CHD1: variants seen among roughly 807,000 people sequenced by gnomAD.
The protein encoded by CHD1 is chromodomain helicase DNA binding protein 1, also known as ATP-dependent chromatin remodeler CHD1.
CHD1 carries 36 observed loss-of-function variants against 224.2 expected under a neutral mutation model. The ratio of observed to expected loss-of-function variants is 0.16; its 90% CI spans 0.12 to 0.21. CHD1 has a LOEUF of 0.21. CHD1 is among the 10% of genes least tolerant of loss of function. CHD1 has a pLI of 1.00. For missense variants in CHD1, 1,378 were observed against 1,994.8 expected (o/e 0.69, Z 5.89); for synonymous variants, 668 against 658.3 (o/e 1.01, Z -0.23).
intron 2 of CHD1, among the ~76,000 whole-genome samples, chr5:98,926,112 T>C (rs923129352): frequency 2.0e-5 from 3 of 152,140 alleles, no homozygotes; most frequent in Non-Finnish European, 4.4e-5. Flanking sequence ...ACTTTCTATA[T>C]TTAAGATCTA....
chr5:98,861,692 T>C (rs575348298), intron 32 of CHD1, among the ~76,000 whole-genome samples: 2 of 151,526 alleles, frequency 1.3e-5, no homozygotes, highest in East Asian at 1.9e-4. Context: ...TTTGTATTTT[T>C]AGTAGACCAC....
intron 27 of CHD1, 86 bp downstream of exon 27, chr5:98,872,331 G>A (rs1353485218): frequency 4.2e-6 from 6 of 1,434,256 alleles, no homozygotes; most frequent in African/African-American, 1.5e-5. Flanking sequence ...TTCAAAACTA[G>A]CCAATAACAC....
Position 98,868,529 on chromosome 5 carries a change from T to A in CHD1, c.4214A>T (p.Glu1405Val). 1 of 1,612,200 alleles carries A rather than the reference T, an allele frequency of 6.2e-7. No homozygotes were observed. Among genetic ancestry groups the A allele is most frequent in the African/African-American group, 1.3e-5 (1 of 74,872 alleles). Residue 1405 changes from glutamate (E) to valine (V), a missense_variant, in exon 31 of 36, where the codon GAA becomes GTA. Around this residue, in one of 16 missense-constraint regions of CHD1, gnomAD observed 23 missense variants for 65.8 expected, o/e 0.35. Transcript: ENST00000614616. ...ASGEPVPISE[E>V]SEELDQKTFS... Reference sequence around the variant, plus strand: ...TGTCTTCTGATCCAGCTCTTCAGATTCTTCAGAAATGGGAACTGGTTCACC... The same window carrying A: ...TGTCTTCTGATCCAGCTCTTCAGATACTTCAGAAATGGGAACTGGTTCACC...
At chr5:98,869,514 G>C (rs1749151298) in intron 30 of CHD1, 1 of 400,272 alleles carries the variant, frequency 2.5e-6, no homozygotes, top group African/African-American at 2.1e-5. Flanking sequence ...TGAAAAGGAA[G>C]GACCTTTGCT....
chr5:98,900,905 T>G lies in CHD1; in HGVS notation c.765A>C (p.Leu255=), dbSNP rs141855320. The G allele has an allele frequency of 3.2e-5, 52 of 1,614,036 alleles. No homozygotes were observed. The African/African-American group carries it at 6.1e-4, about 19-fold the overall frequency. ...GAACATCCTCTCCACAGACTTCCAG[T>G]AGGTCATCAGAATCTGTTTTCATTT... ...DEEMKTDSDD[L]LEVCGEDVPQ... The change falls in exon 7 of 36, where the codon CTA becomes CTC. Residue 255 remains leucine (L), a synonymous_variant. Transcript: ENST00000614616.
At chr5:98,905,901 T>A (rs941955297) in intron 2 of CHD1, among the ~76,000 whole-genome samples, 2 of 152,200 alleles carry the variant, frequency 1.3e-5, no homozygotes, top group African/African-American at 4.8e-5. Context: ...TGTTTATATG[T>A]TGAAAACTAG....
chr5:98,904,768 TA>T lies in CHD1; in HGVS notation c.255+128del, dbSNP rs1390048595. On this transcript the variant is annotated intron_variant, in intron 3 of 35. Coordinates refer to ENST00000614616, the MANE Select transcript of CHD1 (RefSeq NM_001270.4). ...GTACCACCATGAATGTGAGAATCAC[TA>T]AAAGTAAATTTTAATTTAAAATGTT... 8 of 850,396 alleles carry T rather than the reference TA, an allele frequency of 9.4e-6. No individual in the cohort carries two copies. The Admixed American group carries it at 1.2e-4, about 12-fold the overall frequency. 52.7% of individuals were successfully genotyped at this position (850,396 alleles called of 1,614,324 possible). A position where few individuals can be genotyped will look rare whatever the true frequency, so the allele number is the denominator to read the frequency against.
In CHD1 at chr5:98,883,397, A is replaced by C. The variant is rs567228805; in HGVS notation, c.2569-160T>G. The stretch of plus-strand genomic sequence containing the variant: ...TCCAAAATCAAATATATATGTTATT[A>C]ACACCAAATTCAATACAGTGTTTAC... On this transcript the variant is annotated intron_variant, in intron 18 of 35. Coordinates refer to ENST00000614616, the MANE Select transcript of CHD1 (RefSeq NM_001270.4). Among the ~76,000 whole-genome samples, 4 of 152,342 alleles carry C rather than the reference A, an allele frequency of 2.6e-5. No individual in the cohort carries two copies. The South Asian group carries it at 6.2e-4, about 24-fold the overall frequency.
At chr5:98,908,776 C>T (rs946839173) in intron 2 of CHD1, among the ~76,000 whole-genome samples, 2 of 147,786 alleles carry the variant, frequency 1.4e-5, no homozygotes. Flanking sequence ...ACACTGAATT[C>T]TTAATTCAGA....
intron 2 of CHD1, among the ~76,000 whole-genome samples, chr5:98,923,503 G>A (rs1561283257): frequency 6.6e-6 from 1 of 150,376 alleles, no homozygotes; most frequent in Non-Finnish European, 1.5e-5. Context: ...TGCAACCTCC[G>A]TCTGCCTCCT....
chr5:98,869,820 C>T lies in CHD1; in HGVS notation c.4041G>A (p.Val1347=). ...KKNKAMKSIK[V]KEEIKSDSSP... is the part of the protein sequence containing the mutation. ...AAGAATCACTCTTTATTTCCTCTTT[C>T]ACTTTTATAGACTTCATTGCTTTAT... is the stretch of plus-strand genomic sequence containing the variant. Residue 1347 remains valine, a synonymous_variant, in exon 30 of 36, where the codon GTG becomes GTA. Transcript: ENST00000614616. 1 of 1,611,430 alleles carries T rather than the reference C, an allele frequency of 6.2e-7. No individual in the cohort carries two copies. The highest frequency in any genetic ancestry group is 8.5e-7 in the Non-Finnish European group (1 of 1,177,720).
At chr5:98,873,515 T>C (rs369806079) in intron 26 of CHD1, 78 bp downstream of exon 26, 1 of 1,087,862 alleles carries the variant, frequency 9.2e-7, no homozygotes, top group East Asian at 2.9e-5. Context: ...TAATTTAAGA[T>C]ATAATATCTA....
rs762675109 is a variant in CHD1, at chr5:98,863,390, GA to G, written c.4427+17del. 3 of 1,400,042 alleles carry G rather than the reference GA, an allele frequency of 2.1e-6. No individual in the cohort carries two copies. Among genetic ancestry groups the G allele is most frequent in the Admixed American group, 5.0e-5 (2 of 39,792 alleles). 86.7% of individuals were successfully genotyped at this position (1,400,042 alleles called of 1,614,324 possible). A position where few individuals can be genotyped will look rare whatever the true frequency, so the allele number is the denominator to read the frequency against. ...ATATAATATAAATTTAACACTTCCTGAAAAGTGTATCACTTACTTTCTCCAT... is the reference window on the plus strand; with the variant it reads ...ATATAATATAAATTTAACACTTCCTGAAAGTGTATCACTTACTTTCTCCAT... On this transcript the variant is annotated intron_variant, in intron 32 of 35. Coordinates refer to ENST00000614616, the MANE Select transcript of CHD1 (RefSeq NM_001270.4).
chr5:98,927,833 G>A lies in CHD1; in HGVS notation c.-149+706C>T, dbSNP rs1260568849. On this transcript the variant is annotated intron_variant, in intron 1 of 35. Coordinates refer to ENST00000614616, the MANE Select transcript of CHD1 (RefSeq NM_001270.4). Reference sequence around the variant, plus strand: ...CCTTTCCCCTCCATCTCCCTTATCCGAATAAGTCCTCTGAGACCCTTTTCA... The same window carrying A: ...CCTTTCCCCTCCATCTCCCTTATCCAAATAAGTCCTCTGAGACCCTTTTCA... Among the ~76,000 whole-genome samples, 4 of 151,724 alleles carry A rather than the reference G, an allele frequency of 2.6e-5. No homozygotes were observed. In the East Asian group the frequency reaches 5.8e-4, roughly 22 times the overall value.
intron 15 of CHD1, among the ~76,000 whole-genome samples, chr5:98,891,374 G>A (rs1378381528): frequency 6.6e-6 from 1 of 152,090 alleles, no homozygotes; most frequent in South Asian, 2.1e-4. Flanking sequence ...ACTGGGCCCA[G>A]GTGATACTAG....
At chr5:98,866,517 G>T (rs531170107) in intron 31 of CHD1, among the ~76,000 whole-genome samples, 1 of 152,212 alleles carries the variant, frequency 6.6e-6, no homozygotes, top group South Asian at 2.1e-4. Flanking sequence ...GACATAATGG[G>T]TTGAAAACAA....
In CHD1 at chr5:98,883,184, G is replaced by A. The variant is rs775622834; in HGVS notation, c.2622C>T (p.Ala874=). The change falls in exon 19 of 36, where the codon GCC becomes GCT. Residue 874 remains alanine (A), a synonymous_variant. Coordinates refer to ENST00000614616, the MANE Select transcript of CHD1 (RefSeq NM_001270.4). ...TRAGGLGINL[A]SADTVVIFDS... ...CAAATATAACAACAGTGTCAGCAGAGGCTAAATTAATCCCTAGACCTCCAG... is the reference window on the plus strand; with the variant it reads ...CAAATATAACAACAGTGTCAGCAGAAGCTAAATTAATCCCTAGACCTCCAG... 2 of 1,605,524 alleles carry A rather than the reference G, an allele frequency of 1.2e-6. No individual in the cohort carries two copies. Among genetic ancestry groups the A allele is most frequent in the East Asian group, 4.5e-5 (2 of 44,668 alleles).
intron 1 of CHD1, among the ~76,000 whole-genome samples, chr5:98,927,982 G>C (rs7724992): frequency 0.016 from 2,474 of 152,218 alleles, 64 homozygotes; most frequent in African/African-American, 0.056. Context: ...CTTTGCTCCT[G>C]CTAAGTTTTT....
At position 98,882,135 on chromosome 5, in the gene CHD1, C is replaced by T. The variant is rs1439792394; in HGVS notation, c.2719-12G>A. Reference sequence around the variant, plus strand: ...CGATAAATATTCACCTGTAAAAATACACATGAGGAAACAAATTGCAGTATA... The same window carrying T: ...CGATAAATATTCACCTGTAAAAATATACATGAGGAAACAAATTGCAGTATA... On this transcript the variant is annotated splice_polypyrimidine_tract_variant and intron_variant, in intron 19 of 35. Transcript: ENST00000614616. The T allele has an allele frequency of 6.2e-7, 1 of 1,608,400 alleles. No homozygotes were observed. Among genetic ancestry groups the T allele is most frequent in the Non-Finnish European group, 8.5e-7 (1 of 1,177,776 alleles).
Sources: gnomAD v4.1 joint callset for allele counts (sites outside exome capture counted in the v4.1 genomes callset) on GRCh38, gnomAD v4.1.1 for gene constraint, gnomAD v4.1.1 regional missense constraint, MANE v1.5 for transcripts, NCBI Gene and HGNC (gene_info 2026-07-23, HGNC 2026-07-21) for gene names.